The following PNPLA5 variants were observed in gnomAD, a reference collection of about 807,000 sequenced individuals.
PNPLA5 encodes patatin-like phospholipase domain-containing protein 5.
PNPLA5 carries 44 observed loss-of-function variants against 49.1 expected under a neutral mutation model. That is an observed-to-expected ratio of 0.90 (90% CI 0.70 to 1.15). The LOEUF is 1.15. Ranked by LOEUF, PNPLA5 falls within the 50% of genes most tolerant of loss-of-function variation. PNPLA5 has a pLI of 0.00. For synonymous variants in PNPLA5, 243 were observed against 244.4 expected, an observed-to-expected ratio of 0.99 and a Z score of 0.06; for missense variants, 603 against 564.0, an observed-to-expected ratio of 1.07 and a Z score of -0.70.
intron 8 of PNPLA5, 53 bp downstream of exon 8, chr22:43,881,505 G>T: frequency 6.7e-7 from 1 of 1,503,022 alleles, no homozygotes; most frequent in Non-Finnish European, 9.0e-7. Flanking sequence ...CAGCTGGTGC[G>T]TTCCCCCCAG....
chr22:43,883,008 C>A (rs1020137691), intron 7 of PNPLA5, among the ~76,000 whole-genome samples: 1 of 151,724 alleles, frequency 6.6e-6, no homozygotes, highest in Non-Finnish European at 1.5e-5. Context: ...GCGTCGTGTA[C>A]GGCACACTCC....
chr22:43,880,576 C>G lies in PNPLA5; in HGVS notation c.*219G>C, dbSNP rs2049597973. On this transcript the variant is annotated 3_prime_UTR_variant, in exon 9 of 9. Transcript: ENST00000216177. ...TCTCTGTGGCTGTCCTCCTTTCTCT[C>G]CCTGATGAGACGGGGCAAGAGGGAG... The G allele has an allele frequency of 2.4e-6, 1 of 410,428 alleles. No individual in the cohort carries two copies. Among genetic ancestry groups the G allele is most frequent in the Non-Finnish European group, 4.2e-6 (1 of 236,848 alleles). The allele number at this position is 410,428 out of a possible 1,614,324, so 25.4% of individuals were successfully genotyped here. A position where few individuals can be genotyped will look rare whatever the true frequency, so the allele number is the denominator to read the frequency against.
At chr22:43,880,975 C>G (rs1475193926) in intron 8 of PNPLA5, 90 bp from the exon 9 acceptor site, 2 of 1,255,548 alleles carry the variant, frequency 1.6e-6, no homozygotes, top group East Asian at 6.0e-5. Context: ...CACAGTGAAC[C>G]CAGGTCACTC....
chr22:43,892,013 T>C lies in PNPLA5; in HGVS notation c.-133A>G. On this transcript the variant is annotated 5_prime_UTR_variant, in exon 1 of 9. Coordinates refer to ENST00000216177, the MANE Select transcript of PNPLA5 (RefSeq NM_138814.4). ...GAGGGAGCCGGGCTGGGGCTGGTGC[T>C]GGTGCTCCCTGCGCCGCCCCCGGGC... The C allele has an allele frequency of 1.1e-6, 1 of 904,540 alleles. No homozygotes were observed. Among genetic ancestry groups the C allele is most frequent in the Non-Finnish European group, 1.6e-6 (1 of 628,632 alleles). 56.0% of individuals were successfully genotyped at this position (904,540 alleles called of 1,614,324 possible). A position where few individuals can be genotyped will look rare whatever the true frequency, so the allele number is the denominator to read the frequency against.
rs766880446 is a variant in PNPLA5 at position 43,886,437 on chromosome 22, G to T, written c.815C>A (p.Ala272Asp). 6.2e-7 allele frequency: 1 copy of T among 1,614,132 alleles called. No homozygotes were observed. ...LWTLVSKEPP[A>D]PADGNWDAGC... ...AGCATCCCAGTTTCCGTCAGCCGGGGCTGGGGGTTCCTTAGACACCAGCGT... is the reference window on the plus strand; with the variant it reads ...AGCATCCCAGTTTCCGTCAGCCGGGTCTGGGGGTTCCTTAGACACCAGCGT... Residue 272 changes from alanine (A) to aspartate (D), a missense_variant, in exon 6 of 9, where the codon GCC becomes GAC. Transcript: ENST00000216177.
In PNPLA5 at chr22:43,891,944, C is replaced by G; in HGVS notation, c.-64G>C. The G allele has an allele frequency of 6.9e-7, 1 of 1,444,690 alleles. No individual in the cohort carries two copies. Among genetic ancestry groups the G allele is most frequent in the Non-Finnish European group, 9.2e-7 (1 of 1,090,206 alleles). 89.5% of individuals were successfully genotyped at this position (1,444,690 alleles called of 1,614,324 possible). ...GTCACTCCGTGACCCGGGATAGGGC[C>G]GGGATGCAGCCTTGGACGGGGCTGG... On this transcript the variant is annotated 5_prime_UTR_variant, in exon 1 of 9. Coordinates refer to ENST00000216177, the MANE Select transcript of PNPLA5 (RefSeq NM_138814.4).
chr22:43,881,390 A>G (rs561237601), intron 8 of PNPLA5, among the ~76,000 whole-genome samples, 168 bp downstream of exon 8: 1 of 152,346 alleles, frequency 6.6e-6, no homozygotes, highest in Non-Finnish European at 1.5e-5. Context: ...GGCGCACAGC[A>G]GTGACCAACA....
chr22:43,881,139 A>G (rs1231154483), intron 8 of PNPLA5, among the ~76,000 whole-genome samples: 1 of 152,204 alleles, frequency 6.6e-6, no homozygotes, highest in Non-Finnish European at 1.5e-5. Flanking sequence ...AGGGCCACAC[A>G]GGACCCCCCA....
intron 7 of PNPLA5, 99 bp downstream of exon 7, chr22:43,884,114 C>T (rs2049637527): frequency 1.3e-5 from 12 of 930,412 alleles, no homozygotes; most frequent in East Asian, 3.7e-5. Context: ...CCCACCCCGC[C>T]GAGCCCTACC....
intron 7 of PNPLA5, among the ~76,000 whole-genome samples, chr22:43,883,202 C>G (rs533741710): frequency 2.0e-5 from 3 of 152,230 alleles, no homozygotes; most frequent in Admixed American, 6.5e-5. Context: ...GGGCAGCCTT[C>G]CCTGGCCAGA....
chr22:43,880,202 A>G lies in PNPLA5; in HGVS notation c.*593T>C. 2 of 389,062 alleles carry G rather than the reference A, an allele frequency of 5.1e-6. No individual in the cohort carries two copies. The highest frequency in any genetic ancestry group is 2.1e-5 in the African/African-American group (1 of 48,542). 24.1% of individuals were successfully genotyped at this position (389,062 alleles called of 1,614,324 possible). On this transcript the variant is annotated 3_prime_UTR_variant, in exon 9 of 9. Transcript: ENST00000216177. ...GCCACTGGGCCCAACAGAAGCACCC[A>G]CAGCTGGGATCCTGAAAAGACCTGG... is the stretch of plus-strand genomic sequence containing the variant.
intron 8 of PNPLA5, among the ~76,000 whole-genome samples, chr22:43,881,231 G>T (rs893216870): frequency 6.6e-6 from 1 of 152,210 alleles, no homozygotes; most frequent in African/African-American, 2.4e-5. Flanking sequence ...CCAAGGTCAC[G>T]TGGGGACGTC....
chr22:43,880,967 C>G (rs2049604168), intron 8 of PNPLA5, 82 bp from the exon 9 acceptor site: 2 of 1,263,152 alleles, frequency 1.6e-6, no homozygotes, highest in Middle Eastern at 2.7e-4. Flanking sequence ...GGCGCAGCCA[C>G]AGTGAACCCA....
At chr22:43,884,506 G>T in intron 6 of PNPLA5, 161 bp from the exon 7 acceptor site, 1 of 721,638 alleles carries the variant, frequency 1.4e-6, no homozygotes, top group Non-Finnish European at 1.7e-6. Flanking sequence ...AGGTAGCTCT[G>T]CGCTCATCGT....
chr22:43,891,286 A>G lies in PNPLA5; in HGVS notation c.202T>C (p.Cys68Arg). 2 of 1,557,706 alleles carry G rather than the reference A, an allele frequency of 1.3e-6. No individual in the cohort carries two copies. Among genetic ancestry groups the G allele is most frequent in the Non-Finnish European group, 1.7e-6 (2 of 1,153,154 alleles). Reference sequence around the variant, plus strand: ...CCAACCATGCCCAGGAGGTGGGAGCAGCAGAAGTCTGCAGTGGGGGCAGGG... The same window carrying G: ...CCAACCATGCCCAGGAGGTGGGAGCGGCAGAAGTCTGCAGTGGGGGCAGGG... ...IVCGKSVDFC[C>R]SHLLGMVGQL... The change falls in exon 2 of 9, where the codon TGC (cysteine) becomes CGC (arginine). Residue 68 changes from cysteine to arginine, a missense_variant. Transcript: ENST00000216177.
chr22:43,888,371 AGTGTGTGTGTGTGTGTGT>A (rs35343347), intron 4 of PNPLA5, among the ~76,000 whole-genome samples: 8 of 112,988 alleles, frequency 7.1e-5, no homozygotes, highest in East Asian at 4.6e-4. Context: ...GGGGCAGAGG[AGTGTGTGTGTGTGTGTGT>A]GTGTGTGTGT....
At position 43,881,609 on chromosome 22, in the gene PNPLA5, A is replaced by C; in HGVS notation, c.1148T>G (p.Met383Arg). The change falls in exon 8 of 9, where the codon ATG becomes AGG. Residue 383 changes from methionine (M) to arginine (R), a missense_variant. By Grantham distance (91) the Met-to-Arg change is moderately conservative (BLOSUM62 -1). Transcript: ENST00000216177. The stretch of plus-strand genomic sequence containing the variant: ...GGTCCTGGAGAAAACCTCGAGGGCC[A>C]TGTTCCTCAGCAGGCCCTGCATCCA... Reference protein sequence around the residue: ...LWWMQGLLRNMALEVFSRTKA... With the variant: ...LWWMQGLLRNRALEVFSRTKA... The C allele has an allele frequency of 6.2e-7, 1 of 1,612,918 alleles. No individual in the cohort carries two copies. Among genetic ancestry groups the C allele is most frequent in the Middle Eastern group, 1.7e-4 (1 of 6,058 alleles).
intron 7 of PNPLA5, among the ~76,000 whole-genome samples, chr22:43,883,784 C>T (rs2049633217): frequency 6.6e-6 from 1 of 151,224 alleles, no homozygotes; most frequent in East Asian, 1.9e-4. Flanking sequence ...GCACTCCAGC[C>T]TGGGCAATAG....
chr22:43,881,427 C>A, intron 8 of PNPLA5, 131 bp downstream of exon 8: 1 of 934,882 alleles, frequency 1.1e-6, no homozygotes. Context: ...CATGAGTAGG[C>A]CAGAGGGACG....
Sources: allele counts gnomAD v4.1 joint callset (sites outside exome capture counted in the v4.1 genomes callset), GRCh38; gene constraint gnomAD v4.1.1; transcripts MANE v1.5; gene names NCBI Gene and HGNC (gene_info 2026-07-23, HGNC 2026-07-21).